Variants in CEP128 observed in about 807,000 individuals in gnomAD.
CEP128 encodes the protein centrosomal protein 128.
A neutral mutation model predicts 156.7 loss-of-function variants in CEP128; 132 were observed. That is an observed-to-expected ratio of 0.84 (90% CI 0.73 to 0.97). The LOEUF (loss-of-function observed/expected upper bound fraction) is 0.97, where lower values mean the gene tolerates loss of function less well. Ranked by LOEUF, CEP128 falls within the 50% of genes least tolerant of loss-of-function variation. The probability of loss-of-function intolerance (pLI) is 0.00; values close to 1 mark genes in which losing one functional copy is unlikely to be tolerated. For missense variants in CEP128, 1,252 were observed against 1,281.9 expected (o/e 0.98, Z 0.36); for synonymous variants, 469 against 448.9 (o/e 1.04, Z -0.57).
At chr14:80,493,683 C>G (rs1251818337), downstream of CEP128, among the ~76,000 whole-genome samples, 1 of 152,186 alleles carries the variant, frequency 6.6e-6, no homozygotes, top group Non-Finnish European at 1.5e-5. Flanking sequence ...GGGCTACAAA[C>G]CCTAGACTCG....
intron 8 of CEP128, among the ~76,000 whole-genome samples, chr14:80,889,234 C>T (rs1290519343): frequency 1.3e-5 from 2 of 152,112 alleles, no homozygotes; most frequent in Non-Finnish European, 2.9e-5. Context: ...AATGCTATTC[C>T]CATCAAGCTA....
intron 19 of CEP128, among the ~76,000 whole-genome samples, chr14:80,728,636 G>A (rs547581136): frequency 2.6e-5 from 4 of 152,144 alleles, no homozygotes. Flanking sequence ...ATTTGAACCT[G>A]AGAAGTTGGA....
chr14:80,742,634 T>C (rs1006280124), intron 19 of CEP128: 8 of 160,944 alleles, frequency 5.0e-5, no homozygotes, highest in Non-Finnish European at 6.8e-5. Flanking sequence ...AATATGTATA[T>C]CTCCACCCAA....
intron 21 of CEP128, among the ~76,000 whole-genome samples, chr14:80,532,243 G>C (rs549302667): frequency 1.3e-5 from 2 of 151,804 alleles, no homozygotes; most frequent in Non-Finnish European, 2.9e-5. Flanking sequence ...GTCCAGGCTA[G>C]AGTGCAAAGG....
chr14:80,953,441 C>T (rs988019270), intron 2 of CEP128, among the ~76,000 whole-genome samples: 4 of 152,154 alleles, frequency 2.6e-5, no homozygotes, highest in African/African-American at 7.2e-5. Flanking sequence ...AAAAATTAAC[C>T]GGGCGTGGTG....
At chr14:80,579,026 A>G (rs537551575) in intron 20 of CEP128, among the ~76,000 whole-genome samples, 1 of 152,324 alleles carries the variant, frequency 6.6e-6, no homozygotes, top group East Asian at 1.9e-4. Context: ...GAGAGGCAAC[A>G]CAGGCTATTA....
At chr14:80,683,348 C>T (rs1331812200) in intron 19 of CEP128, among the ~76,000 whole-genome samples, 1 of 152,048 alleles carries the variant, frequency 6.6e-6, no homozygotes, top group East Asian at 1.9e-4. Flanking sequence ...AGACTTTAAA[C>T]CAACAATGTT....
rs1057242541 is a variant in CEP128, at chr14:80,856,913, G to T, written c.762+5844C>A. Among the ~76,000 whole-genome samples the T allele has an allele frequency of 2.7e-5, 4 of 150,222 alleles. No individual in the cohort carries two copies. The South Asian group carries it at 8.4e-4, about 32-fold the overall frequency. On this transcript the variant is annotated intron_variant, in intron 9 of 24. Transcript: ENST00000555265. ...ACTAATTTTTTTGTTGCTGTTGTTT[G>T]TTTTTTGTATTTTTAGTAGAGACGG...
At chr14:80,853,146 A>G (rs1369080197) in intron 9 of CEP128, among the ~76,000 whole-genome samples, 1 of 151,894 alleles carries the variant, frequency 6.6e-6, no homozygotes, top group African/African-American at 2.4e-5. Flanking sequence ...AATAGAAGGC[A>G]ATGTTCTTAA....
intron 20 of CEP128, among the ~76,000 whole-genome samples, chr14:80,564,605 G>A (rs1890832572): frequency 1.3e-5 from 2 of 152,322 alleles, no homozygotes; most frequent in African/African-American, 2.4e-5. Context: ...CCCTGAAGCT[G>A]TCCTTGTTCA....
chr14:80,705,810 A>G (rs1010338347), intron 19 of CEP128, among the ~76,000 whole-genome samples: 1 of 152,182 alleles, frequency 6.6e-6, no homozygotes, highest in Admixed American at 6.6e-5. Flanking sequence ...ATCCCTAGAT[A>G]AATTCCAGAT....
chr14:80,774,455 T>C (rs1900678393), intron 16 of CEP128, among the ~76,000 whole-genome samples: 1 of 152,200 alleles, frequency 6.6e-6, no homozygotes, highest in Non-Finnish European at 1.5e-5. Flanking sequence ...TCAAATTCAT[T>C]GCATTGCTTA....
intron 19 of CEP128, among the ~76,000 whole-genome samples, chr14:80,709,410 T>C (rs1192973809): frequency 1.3e-5 from 2 of 152,194 alleles, no homozygotes; most frequent in African/African-American, 4.8e-5. Flanking sequence ...AGTGGTGGGA[T>C]TACAGGCATG....
intron 14 of CEP128, among the ~76,000 whole-genome samples, chr14:80,786,829 C>G (rs1466232525): frequency 6.6e-6 from 1 of 152,070 alleles, no homozygotes; most frequent in East Asian, 1.9e-4. Flanking sequence ...GTAAAAAGAG[C>G]CAGGCCCAGT....
intron 19 of CEP128, among the ~76,000 whole-genome samples, chr14:80,656,033 C>G (rs966990196): frequency 2.0e-5 from 3 of 151,590 alleles, no homozygotes; most frequent in Non-Finnish European, 4.4e-5. Context: ...ACTAAACATC[C>G]TTCCATGTTG....
intron 8 of CEP128, among the ~76,000 whole-genome samples, chr14:80,882,423 T>C (rs1011207956): frequency 6.6e-6 from 1 of 152,042 alleles, no homozygotes; most frequent in Non-Finnish European, 1.5e-5. Context: ...CAATAACAAA[T>C]GCTGGTGAGG....
intron 19 of CEP128, among the ~76,000 whole-genome samples, chr14:80,591,867 C>T (rs12586967): frequency 0.16 from 24,532 of 152,128 alleles, 2,289 homozygotes; most frequent in East Asian, 0.2. Context: ...CAAAACCGTA[C>T]AACTACATGG....
chr14:80,729,058 G>GGGGT (rs1898141728), intron 19 of CEP128, among the ~76,000 whole-genome samples: 23 of 105,024 alleles, frequency 2.2e-4, no homozygotes, highest in African/African-American at 3.5e-4. Context: ...GGCTGGTGGG[G>GGGGT]GTGTGTGTGT....
At chr14:80,841,392 C>T (rs998269668) in intron 9 of CEP128, among the ~76,000 whole-genome samples, 1 of 152,088 alleles carries the variant, frequency 6.6e-6, no homozygotes, top group Non-Finnish European at 1.5e-5. Context: ...ATGTTAAAAA[C>T]TGCTTTGATG....
Sources: gnomAD v4.1 joint callset for allele counts (sites outside exome capture counted in the v4.1 genomes callset) on GRCh38, gnomAD v4.1.1 for gene constraint, MANE v1.5 for transcripts, NCBI Gene and HGNC (gene_info 2026-07-23, HGNC 2026-07-21) for gene names.